TOR3A: variants seen among roughly 807,000 people sequenced by gnomAD.
TOR3A encodes torsin family 3 member A.
Under a neutral mutation model 42.1 loss-of-function variants are expected in TOR3A, and 44 were observed. That is an observed-to-expected ratio of 1.04 (90% CI 0.82 to 1.34). The LOEUF is 1.34. Ranked by LOEUF, TOR3A falls within the 40% of genes most tolerant of loss-of-function variation. The pLI, the probability that TOR3A is intolerant of heterozygous loss-of-function variation, is 0.00. For missense variants in TOR3A, 521 were observed against 507.6 expected (o/e 1.03, Z -0.25); for synonymous variants, 227 against 213.2 (o/e 1.06, Z -0.57).
chr1:179,087,855 A>G, intron 3 of TOR3A, 56 bp from the exon 4 acceptor site: 1 of 1,488,232 alleles, frequency 6.7e-7, no homozygotes, highest in Non-Finnish European at 9.0e-7. Flanking sequence ...CACGCCCTCA[A>G]GGCCGGAGGT....
At position 179,087,903 on chromosome 1, in the gene TOR3A, C is replaced by T; in HGVS notation, c.640-8C>T. On this transcript the variant is annotated splice_polypyrimidine_tract_variant and splice_region_variant and intron_variant, in intron 3 of 5. Transcript: ENST00000367627. ...CACTTCCCCAGCTGCTCCCTATATC[C>T]CGTGCAGGAGCAGCTGATGAGCCAG... 3.2e-6 allele frequency: 5 copies of T among 1,565,808 alleles called. No individual in the cohort carries two copies. The highest frequency in any genetic ancestry group is 4.3e-6 in the Non-Finnish European group (5 of 1,157,686).
chr1:179,082,088 C>A lies in TOR3A; in HGVS notation c.-41C>A, dbSNP rs768567793. The A allele has an allele frequency of 2.4e-4, 344 of 1,429,562 alleles. No homozygotes were observed. Among genetic ancestry groups the A allele is most frequent in the Non-Finnish European group, 2.9e-4 (323 of 1,103,992 alleles). The allele number at this position is 1,429,562 out of a possible 1,614,324, so 88.6% of individuals were successfully genotyped here. A position where few individuals can be genotyped will look rare whatever the true frequency, so the allele number is the denominator to read the frequency against. ...CCGCCCCGGGCTTAAGGGAGCCTGG[C>A]TAGGCCGGCAGCCGGATGGTCCCGC... On this transcript the variant is annotated 5_prime_UTR_variant, in exon 1 of 6. Coordinates refer to ENST00000367627, the MANE Select transcript of TOR3A (RefSeq NM_022371.4).
chr1:179,091,957 C>T (rs1323266967), intron 4 of TOR3A, among the ~76,000 whole-genome samples: 3 of 152,204 alleles, frequency 2.0e-5, no homozygotes, highest in African/African-American at 7.2e-5. Context: ...GCAGCTTCCC[C>T]GGGGAAAGCC....
Position 179,082,169 on chromosome 1 carries a change from T to C in TOR3A, c.41T>C (p.Leu14Pro), listed in dbSNP as rs897210417. ...TGGCGCCAGCTTTGGCTCTTTTTCC[T>C]GCTGCTGCTCCCGGGCGCGCCTGAG... ...GPWRQLWLFF[L>P]LLLPGAPEPR... Residue 14 changes from leucine to proline, a missense_variant, in exon 1 of 6, where the codon CTG becomes CCG. By Grantham distance (98) the Leu-to-Pro change is moderately conservative. Transcript: ENST00000367627. The C allele has an allele frequency of 4.0e-6, 6 of 1,509,076 alleles. No homozygotes were observed. Among genetic ancestry groups the C allele is most frequent in the Non-Finnish European group, 2.6e-6 (3 of 1,138,298 alleles). The allele number at this position is 1,509,076 out of a possible 1,614,324, so 93.5% of individuals were successfully genotyped here.
At chr1:179,087,836 A>C in intron 3 of TOR3A, 75 bp from the exon 4 acceptor site, 1 of 1,432,944 alleles carries the variant, frequency 7.0e-7, no homozygotes, top group Non-Finnish European at 9.3e-7. Flanking sequence ...GCACATGCCC[A>C]GGGGAAACCA....
chr1:179,086,955 A>G (rs1652453426), intron 3 of TOR3A, among the ~76,000 whole-genome samples: 1 of 152,226 alleles, frequency 6.6e-6, no homozygotes, highest in Non-Finnish European at 1.5e-5. Flanking sequence ...GTCTCCTGGC[A>G]GTTTCCATAT....
At chr1:179,092,292 C>T (rs10798652) in intron 4 of TOR3A, among the ~76,000 whole-genome samples, 90,202 of 151,976 alleles carry the variant, frequency 0.59, 27,280 homozygotes, top group African/African-American at 0.69. Context: ...AAGATGTGAG[C>T]TAATATACTG....
chr1:179,085,849 G>A lies in TOR3A; in HGVS notation c.595G>A (p.Ala199Thr), dbSNP rs765715325. Residue 199 changes from alanine (A) to threonine (T), a missense_variant, in exon 3 of 6, where the codon GCC (alanine) becomes ACC (threonine). Coordinates refer to ENST00000367627, the MANE Select transcript of TOR3A (RefSeq NM_022371.4). Reference sequence around the variant, plus strand: ...GAGTGACTGTGTCAGGATGTTCATCGCCACGTTCCACTTTCCTCACCCCAA... The same window carrying A: ...GAGTGACTGTGTCAGGATGTTCATCACCACGTTCCACTTTCCTCACCCCAA... ...LMSDCVRMFI[A>T]TFHFPHPKYV... The A allele has an allele frequency of 1.6e-5, 26 of 1,614,012 alleles. No homozygotes were observed. Among genetic ancestry groups the A allele is most frequent in the African/African-American group, 4.0e-5 (3 of 74,940 alleles).
At chr1:179,091,267 C>T (rs1364590326) in intron 4 of TOR3A, among the ~76,000 whole-genome samples, 6 of 152,130 alleles carry the variant, frequency 3.9e-5, no homozygotes, top group Non-Finnish European at 7.4e-5. Flanking sequence ...TGCCCTCTGG[C>T]CCCTCCAGAC....
intron 5 of TOR3A, 66 bp from the exon 6 acceptor site, chr1:179,094,902 C>G (rs1193359327): frequency 2.6e-6 from 4 of 1,514,950 alleles, no homozygotes; most frequent in African/African-American, 1.4e-5. Flanking sequence ...CAACCCCCAC[C>G]CCCGCTAAAT....
Position 179,095,610 on chromosome 1 carries a change from T to C in TOR3A, c.*392T>C, listed in dbSNP as rs554060284. 2 of 1,063,484 alleles carry C rather than the reference T, an allele frequency of 1.9e-6. No individual in the cohort carries two copies. The highest frequency in any genetic ancestry group is 9.9e-5 in the Admixed American group (2 of 20,248). 65.9% of individuals were successfully genotyped at this position (1,063,484 alleles called of 1,614,324 possible). The stretch of plus-strand genomic sequence containing the variant: ...TATTATGACACTCCAGATGGTCTCC[T>C]TAGCATCTCAGCTCTTCTGCAAGGA... On this transcript the variant is annotated 3_prime_UTR_variant, in exon 6 of 6. Coordinates refer to ENST00000367627, the MANE Select transcript of TOR3A (RefSeq NM_022371.4).
chr1:179,085,994 G>C, intron 3 of TOR3A, 101 bp downstream of exon 3: 1 of 1,419,610 alleles, frequency 7.0e-7, no homozygotes, highest in South Asian at 1.3e-5. Flanking sequence ...AGCCTGGGGA[G>C]GTGGGGACAG....
rs1339641635 is a variant in TOR3A, at chr1:179,082,340, G to A, written c.212G>A (p.Trp71Ter). The change falls in exon 1 of 6, where the codon TGG (tryptophan) becomes TAG (stop). Residue 71 changes from tryptophan to a stop codon, truncating the protein, a stop_gained. Coordinates refer to ENST00000367627, the MANE Select transcript of TOR3A (RefSeq NM_022371.4). LOFTEE classifies it high-confidence loss of function. ...TGGACGCTCTTCAGCTGCCAGGTGT[G>A]GCCCGACGACTGTGACGAGGACGAG... ...RYWTLFSCQV[W>*]PDDCDEDEEA... 2 of 1,605,832 alleles carry A rather than the reference G, an allele frequency of 1.2e-6. No individual in the cohort carries two copies. The highest frequency in any genetic ancestry group is 4.6e-5 in the East Asian group (2 of 43,956).
At chr1:179,087,502 G>T (rs1245537119) in intron 3 of TOR3A, among the ~76,000 whole-genome samples, 2 of 152,234 alleles carry the variant, frequency 1.3e-5, no homozygotes, top group Non-Finnish European at 2.9e-5. Flanking sequence ...GTTGCGCCTG[G>T]ATGTTTTTGT....
At chr1:179,091,721 G>GT (rs1478115974) in intron 4 of TOR3A, 1 of 152,458 alleles carries the variant, frequency 6.6e-6, no homozygotes, top group African/African-American at 2.4e-5. Context: ...GGGTGAGGGA[G>GT]TATCACTCTG....
rs1652728580 is a variant in TOR3A at position 179,095,875 on chromosome 1, C to CCAAGA, written c.*659_*663dup. On this transcript the variant is annotated 3_prime_UTR_variant, in exon 6 of 6. Coordinates refer to ENST00000367627, the MANE Select transcript of TOR3A (RefSeq NM_022371.4). ...ATTTTACAAACCAGGTCAGTGTAGG[C>CCAAGA]CAAGACTTATGGTCTACAGATTTTG... 8 of 984,470 alleles carry CCAAGA rather than the reference C, an allele frequency of 8.1e-6. No individual in the cohort carries two copies. In the Middle Eastern group the frequency reaches 1.6e-3, roughly 193 times the overall value. The allele number at this position is 984,470 out of a possible 1,614,324, so 61.0% of individuals were successfully genotyped here. A position where few individuals can be genotyped will look rare whatever the true frequency, so the allele number is the denominator to read the frequency against.
intron 2 of TOR3A, 164 bp from the exon 3 acceptor site, chr1:179,085,461 TCTG>T: frequency 1.3e-6 from 1 of 775,636 alleles, no homozygotes; most frequent in Non-Finnish European, 2.2e-6. Context: ...TTGAATCCCT[TCTG>T]CTACAAAGTC....
intron 3 of TOR3A, among the ~76,000 whole-genome samples, chr1:179,086,921 C>T (rs982952834): frequency 6.6e-6 from 1 of 152,198 alleles, no homozygotes; most frequent in Non-Finnish European, 1.5e-5. Context: ...ATTATGTCAG[C>T]GTCTGAGGAC....
chr1:179,087,867 G>T (rs760094527), intron 3 of TOR3A, 44 bp from the exon 4 acceptor site: 2 of 1,503,490 alleles, frequency 1.3e-6, no homozygotes, highest in East Asian at 4.7e-5. Context: ...GCCGGAGGTG[G>T]AAGGAGTCAC....
Sources: gnomAD v4.1 joint callset for allele counts (sites outside exome capture counted in the v4.1 genomes callset) on GRCh38, gnomAD v4.1.1 for gene constraint, MANE v1.5 for transcripts, NCBI Gene and HGNC (gene_info 2026-07-23, HGNC 2026-07-21) for gene names.